Variants in MYCBP2 observed in about 807,000 individuals in gnomAD.
The protein encoded by MYCBP2 is E3 ubiquitin-protein ligase MYCBP2.
MYCBP2 carries 120 observed loss-of-function variants against 525.3 expected under a neutral mutation model. The ratio of observed to expected loss-of-function variants is 0.23; its 90% CI spans 0.20 to 0.27. The LOEUF is 0.27. Ranked by LOEUF, MYCBP2 falls within the 10% of genes least tolerant of loss-of-function variation. The pLI, the probability that MYCBP2 is intolerant of heterozygous loss-of-function variation, is 1.00. For missense variants in MYCBP2, 4,149 were observed against 5,657.1 expected (o/e 0.73, Z 8.55); for synonymous variants, 1,894 against 1,955.8 (o/e 0.97, Z 0.83).
At chr13:77,130,850 G>A (rs2052660230) in intron 52 of MYCBP2, among the ~76,000 whole-genome samples, 1 of 152,082 alleles carries the variant, frequency 6.6e-6, no homozygotes, top group Non-Finnish European at 1.5e-5. Context: ...AAAGGCAATT[G>A]TTAAAAGTAA....
intron 52 of MYCBP2, among the ~76,000 whole-genome samples, chr13:77,135,833 CT>C (rs1221355586): frequency 3.3e-5 from 5 of 151,298 alleles, no homozygotes; most frequent in Admixed American, 1.3e-4. Context: ...TTGTTTTTAT[CT>C]TTTTTTTCTT....
At chr13:77,296,547 C>A in intron 2 of MYCBP2, 52 bp downstream of exon 2, 2 of 1,515,448 alleles carry the variant, frequency 1.3e-6, no homozygotes, top group South Asian at 2.7e-5. Context: ...CATTTTTATT[C>A]AAATCACCAT....
chr13:77,324,016 C>G (rs1470437391), intron 1 of MYCBP2, among the ~76,000 whole-genome samples: 1 of 152,118 alleles, frequency 6.6e-6, no homozygotes. Context: ...ATTTAGCCTC[C>G]CATATTTGCA....
intron 67 of MYCBP2, 85 bp downstream of exon 67, chr13:77,077,063 A>AT: frequency 6.6e-7 from 1 of 1,518,090 alleles, no homozygotes; most frequent in Non-Finnish European, 8.8e-7. Flanking sequence ...AATTTCTGTA[A>AT]TAAGTTTCAC....
At position 77,064,620 on chromosome 13, in the gene MYCBP2, T is replaced by G. The variant is rs760170430; in HGVS notation, c.12667A>C (p.Thr4223Pro). The change falls in exon 73 of 83, where the codon ACT becomes CCT. Residue 4223 changes from threonine to proline, a missense_variant. Thr to Pro is a conservative substitution (Grantham distance 38, BLOSUM62 -1). This residue lies in a region of MYCBP2 where 148 missense variants were observed against 179.4 expected (regional missense o/e 0.82). Coordinates refer to ENST00000544440, the MANE Select transcript of MYCBP2 (RefSeq NM_015057.5). ...FRSPVRCIAT[T>P]RLWLALASLC... is the part of the protein sequence containing the mutation. ...CAAAACAAAGCAAAACCTACTCTAGTTGTTGCAATACATCTCACTGGAGAC... is the reference window on the plus strand; with the variant it reads ...CAAAACAAAGCAAAACCTACTCTAGGTGTTGCAATACATCTCACTGGAGAC... 2.5e-6 allele frequency: 4 copies of G among 1,609,016 alleles called. No individual in the cohort carries two copies. Among genetic ancestry groups the G allele is most frequent in the African/African-American group, 2.7e-5 (2 of 74,696 alleles).
intron 46 of MYCBP2, among the ~76,000 whole-genome samples, chr13:77,152,425 T>C (rs1301736305): frequency 6.6e-6 from 1 of 152,214 alleles, no homozygotes; most frequent in Admixed American, 6.5e-5. Flanking sequence ...ATATACTGGA[T>C]AGGAGAAGGT....
At position 77,270,018 on chromosome 13, in the gene MYCBP2, T is replaced by C. The variant is rs1214180992; in HGVS notation, c.1234A>G (p.Lys412Glu). The part of the protein sequence containing the change: ...STSRIRNRKE[K>E]KSWLGYAQGY... ...TGAGCATACCCTAACCAAGACTTTT[T>C]TTCTTTTCTGTTTCTAATACGGGAT... The change falls in exon 7 of 83, where the codon AAA (lysine) becomes GAA (glutamate). Residue 412 changes from lysine to glutamate, a missense_variant. By Grantham distance (56) the Lys-to-Glu change is moderately conservative. Transcript: ENST00000544440. 1 of 1,612,398 alleles carries C rather than the reference T, an allele frequency of 6.2e-7. No individual in the cohort carries two copies. Among genetic ancestry groups the C allele is most frequent in the Non-Finnish European group, 8.5e-7 (1 of 1,179,508 alleles).
In MYCBP2 at chr13:77,270,284, G is replaced by A; in HGVS notation, c.1188+12C>T. ...CTCTGTATAATTAAGGAACTGTAAGGAATCACATTACCCTAACTGTTCCAC... is the reference window on the plus strand; with the variant it reads ...CTCTGTATAATTAAGGAACTGTAAGAAATCACATTACCCTAACTGTTCCAC... On this transcript the variant is annotated intron_variant, in intron 6 of 82. Transcript: ENST00000544440. 1.3e-6 allele frequency: 2 copies of A among 1,598,842 alleles called. No homozygotes were observed. Among genetic ancestry groups the A allele is most frequent in the Non-Finnish European group, 1.7e-6 (2 of 1,171,704 alleles).
chr13:77,270,563 T>A lies in MYCBP2; in HGVS notation c.946-25A>T, dbSNP rs1427480194. 3.8e-6 allele frequency: 6 copies of A among 1,567,036 alleles called. No homozygotes were observed. In the Admixed American group the frequency reaches 7.9e-5, roughly 21 times the overall value. On this transcript the variant is annotated intron_variant, in intron 5 of 82. Coordinates refer to ENST00000544440, the MANE Select transcript of MYCBP2 (RefSeq NM_015057.5). ...CCTAATCAAAAGAGAAGAAAAATAA[T>A]GAAAAAACATTTTTAAATGTTACAA... is the stretch of plus-strand genomic sequence containing the variant.
chr13:77,273,490 A>C lies in MYCBP2; in HGVS notation c.927T>G (p.His309Gln). 6.3e-7 allele frequency: 1 copy of C among 1,589,910 alleles called. No individual in the cohort carries two copies. Reference sequence around the variant, plus strand: ...GAAATACCTGAATAGTTTGGCAAGCATGGCTTCCATTGTTGGTGAGGATAG... The same window carrying C: ...GAAATACCTGAATAGTTTGGCAAGCCTGGCTTCCATTGTTGGTGAGGATAG... ...ISAILTNNGSHACQTIQVPTI... is the reference protein window; with the variant it reads ...ISAILTNNGSQACQTIQVPTI... The change falls in exon 5 of 83, where the codon CAT becomes CAG. Residue 309 changes from histidine to glutamine, a missense_variant. Around this residue, in one of 21 missense-constraint regions of MYCBP2, gnomAD observed 413 missense variants for 451.2 expected, o/e 0.92. Transcript: ENST00000544440.
At chr13:77,115,358 T>A (rs7350694) in intron 55 of MYCBP2, among the ~76,000 whole-genome samples, 1 of 151,854 alleles carries the variant, frequency 6.6e-6, no homozygotes, top group Admixed American at 6.6e-5. Flanking sequence ...AACTATATAA[T>A]TAGTTTTTAA....
In MYCBP2 at chr13:77,326,381, A is replaced by G. The variant is rs1309375634; in HGVS notation, c.302+93T>C. 7.9e-7 allele frequency: 1 copy of G among 1,263,922 alleles called. No homozygotes were observed. Among genetic ancestry groups the G allele is most frequent in the Non-Finnish European group, 1.1e-6 (1 of 942,696 alleles). The allele number at this position is 1,263,922 out of a possible 1,614,324, so 78.3% of individuals were successfully genotyped here. On this transcript the variant is annotated intron_variant, in intron 1 of 82. Coordinates refer to ENST00000544440, the MANE Select transcript of MYCBP2 (RefSeq NM_015057.5). The surrounding 1 kb of genome is among the most constrained non-coding windows in gnomAD (Gnocchi z 4.2). ...AAGCTCAATAAATGCGCAGGTACAC[A>G]CACGCAAGCACACACACACGCGGGT...
intron 1 of MYCBP2, among the ~76,000 whole-genome samples, chr13:77,323,563 GA>G (rs565480654): frequency 1.3e-4 from 20 of 152,172 alleles, no homozygotes; most frequent in Non-Finnish European, 2.6e-4. Flanking sequence ...CCTATCACAT[GA>G]AATAGGTTTT....
intron 15 of MYCBP2, among the ~76,000 whole-genome samples, chr13:77,244,879 A>C: frequency 6.6e-6 from 1 of 152,238 alleles, no homozygotes; most frequent in Non-Finnish European, 1.5e-5. Context: ...TCTTACAAGA[A>C]GACATTTATT....
At chr13:77,193,461 T>C (rs1331782682) in intron 27 of MYCBP2, among the ~76,000 whole-genome samples, 2 of 152,150 alleles carry the variant, frequency 1.3e-5, no homozygotes, top group Non-Finnish European at 2.9e-5. Flanking sequence ...AACATAGTTA[T>C]TGTTGGGAAA....
Position 77,174,467 on chromosome 13 carries a change from C to T in MYCBP2, c.5495G>A (p.Arg1832His), listed in dbSNP as rs1187198088. 4 of 1,613,646 alleles carry T rather than the reference C, an allele frequency of 2.5e-6. No homozygotes were observed. The highest frequency in any genetic ancestry group is 2.2e-5 in the East Asian group (1 of 44,882). Residue 1832 changes from arginine (R) to histidine (H), a missense_variant, in exon 37 of 83, where the codon CGC becomes CAC. By Grantham distance (29) the Arg-to-His change is conservative (BLOSUM62 0). Coordinates refer to ENST00000544440, the MANE Select transcript of MYCBP2 (RefSeq NM_015057.5). ...PLKENVKYAVRLRNYGSRTAN... is the reference protein window; with the variant it reads ...PLKENVKYAVHLRNYGSRTAN... The stretch of plus-strand genomic sequence containing the variant: ...TGTACGGCTTCCATAGTTCCTCAAG[C>T]GCACAGCATATTTAACATTTTCCTT...
chr13:77,061,577 T>C, intron 75 of MYCBP2, 85 bp downstream of exon 75: 2 of 1,464,890 alleles, frequency 1.4e-6, no homozygotes, highest in South Asian at 1.3e-5. Flanking sequence ...GTCCACTTTT[T>C]CCCCCTACTA....
chr13:77,202,184 C>T lies in MYCBP2; in HGVS notation c.3843+3072G>A, dbSNP rs555483854. Among the ~76,000 whole-genome samples, 467 of 151,984 alleles carry T rather than the reference C, an allele frequency of 3.1e-3. 1 individual carries two copies. The highest frequency in any genetic ancestry group is 5.5e-3 in the Non-Finnish European group (371 of 67,964). ...AAAAAAGAGAGAAGAATCAAATAGA[C>T]GCAATAAAAAATGATAAAGGGGATA... On this transcript the variant is annotated intron_variant, in intron 26 of 82. Coordinates refer to ENST00000544440, the MANE Select transcript of MYCBP2 (RefSeq NM_015057.5).
At chr13:77,074,299 T>C (rs1459395156) in intron 68 of MYCBP2, among the ~76,000 whole-genome samples, 3 of 152,098 alleles carry the variant, frequency 2.0e-5, no homozygotes, top group Non-Finnish European at 4.4e-5. Flanking sequence ...CCTCAATTCT[T>C]ACACTGCACA....
Sources: allele counts gnomAD v4.1 joint callset (sites outside exome capture counted in the v4.1 genomes callset), GRCh38; gene constraint gnomAD v4.1.1; regional missense constraint gnomAD v4.1.1; non-coding constraint Gnocchi (gnomAD v3.1); transcripts MANE v1.5; gene names NCBI Gene and HGNC (gene_info 2026-07-23, HGNC 2026-07-21).